Variants in NUDT19 observed in about 807,000 individuals in gnomAD.
The protein encoded by NUDT19 is nudix hydrolase 19.
NUDT19 carries 31 observed loss-of-function variants against 22.2 expected under a neutral mutation model. That is an observed-to-expected ratio of 1.40 (90% CI 1.05 to 1.89). The LOEUF is 1.89. Ranked by LOEUF, NUDT19 falls within the 40% of genes most tolerant of loss-of-function variation. The probability of loss-of-function intolerance (pLI) is 0.00; values close to 1 mark genes in which losing one functional copy is unlikely to be tolerated. For synonymous variants in NUDT19, 325 were observed against 230.8 expected, an observed-to-expected ratio of 1.41 and a Z score of -3.70; for missense variants, 752 against 514.2, an observed-to-expected ratio of 1.46 and a Z score of -4.47.
intron 2 of NUDT19, among the ~76,000 whole-genome samples, chr19:32,711,537 G>T (rs1968447449): frequency 6.6e-6 from 1 of 152,118 alleles, no homozygotes; most frequent in African/African-American, 2.4e-5. Flanking sequence ...AACTATCTCA[G>T]TTCCAAACAT....
intron 1 of NUDT19, among the ~76,000 whole-genome samples, chr19:32,698,275 G>T: frequency 6.6e-6 from 1 of 152,138 alleles, no homozygotes; most frequent in Admixed American, 6.5e-5. Context: ...GAGAGAAATT[G>T]GGGCCAGGCT....
chr19:32,693,519 GA>G (rs1968228616), intron 1 of NUDT19, among the ~76,000 whole-genome samples: 1 of 152,230 alleles, frequency 6.6e-6, no homozygotes, highest in South Asian at 2.1e-4. Context: ...AAGGGGATCA[GA>G]GCAGGTTGGG....
intron 1 of NUDT19, among the ~76,000 whole-genome samples, chr19:32,696,190 G>A (rs1245315413): frequency 6.6e-6 from 1 of 152,226 alleles, no homozygotes. Context: ...CACTCAAGGA[G>A]TAGTGCCTGG....
In NUDT19 at chr19:32,692,334, G is replaced by T; in HGVS notation, c.374G>T (p.Arg125Leu). 6.3e-7 allele frequency: 1 copy of T among 1,590,794 alleles called. No individual in the cohort carries two copies. The highest frequency in any genetic ancestry group is 8.5e-7 in the Non-Finnish European group (1 of 1,176,608). ...TGTLPEDVAF[R>L]ICAVREAFEE... ...ACGCTGCCTGAGGACGTAGCCTTCC[G>T]CATCTGCGCCGTGCGGGAGGCCTTT... Residue 125 changes from arginine (R) to leucine (L), a missense_variant, in exon 1 of 3, where the codon CGC becomes CTC. By Grantham distance (102) the Arg-to-Leu change is moderately radical. Coordinates refer to ENST00000397061, the MANE Select transcript of NUDT19 (RefSeq NM_001105570.2).
At chr19:32,693,902 A>G (rs1347975663) in intron 1 of NUDT19, among the ~76,000 whole-genome samples, 2 of 152,160 alleles carry the variant, frequency 1.3e-5, no homozygotes, top group Non-Finnish European at 2.9e-5. Flanking sequence ...GAATTGGGCA[A>G]TGACTGCTCT....
At position 32,692,074 on chromosome 19, in the gene NUDT19, G is replaced by A. The variant is rs976636408; in HGVS notation, c.114G>A (p.Pro38=). ...ETATPPSRPP[P]AEGFRLLLLQ... ...CCACCCCGCCGTCGCGCCCGCCGCC[G>A]GCCGAGGGCTTCCGGCTGCTGCTGC... The change falls in exon 1 of 3, where the codon CCG becomes CCA. Residue 38 remains proline (P), a synonymous_variant. Coordinates refer to ENST00000397061, the MANE Select transcript of NUDT19 (RefSeq NM_001105570.2). The A allele has an allele frequency of 1.4e-5, 18 of 1,306,896 alleles. No individual in the cohort carries two copies. The African/African-American group carries it at 1.7e-4, about 12-fold the overall frequency. 81.0% of individuals were successfully genotyped at this position (1,306,896 alleles called of 1,614,324 possible).
rs1460904171 is a variant in NUDT19, at chr19:32,712,363, C to T, written c.*406C>T. 6.8e-6 allele frequency: 1 copy of T among 147,678 alleles called. No homozygotes were observed. Among genetic ancestry groups the T allele is most frequent in the East Asian group, 2.0e-4 (1 of 5,026 alleles). 9.1% of individuals were successfully genotyped at this position (147,678 alleles called of 1,614,324 possible). On this transcript the variant is annotated 3_prime_UTR_variant, in exon 3 of 3. Coordinates refer to ENST00000397061, the MANE Select transcript of NUDT19 (RefSeq NM_001105570.2). Reference sequence around the variant, plus strand: ...AAGTGCTGGGATTACAGGTGTGGGCCACCACACCCAGCCTTTTTTTTTTTT... The same window carrying T: ...AAGTGCTGGGATTACAGGTGTGGGCTACCACACCCAGCCTTTTTTTTTTTT...
chr19:32,701,033 C>G (rs1968329377), intron 1 of NUDT19, among the ~76,000 whole-genome samples: 1 of 146,770 alleles, frequency 6.8e-6, no homozygotes, highest in Admixed American at 6.8e-5. Flanking sequence ...GAGTCAGGCC[C>G]TTTCTCAAAA....
Position 32,692,232 on chromosome 19 carries a change from T to C in NUDT19, c.272T>C (p.Leu91Pro). The C allele has an allele frequency of 1.3e-6, 2 of 1,587,530 alleles. No individual in the cohort carries two copies. The highest frequency in any genetic ancestry group is 1.7e-6 in the Non-Finnish European group (2 of 1,175,652). Residue 91 changes from leucine to proline, a missense_variant, in exon 1 of 3, where the codon CTG becomes CCG. Transcript: ENST00000397061. ...CACCACGGGCCGCCGCGCTTCGGCC[T>C]GGGCCCGGCGCCATTCAGCCGCACC... ...APHHGPPRFG[L>P]GPAPFSRTAF...
intron 1 of NUDT19, among the ~76,000 whole-genome samples, chr19:32,700,366 A>C (rs891450087): frequency 6.6e-6 from 1 of 151,658 alleles, no homozygotes; most frequent in Non-Finnish European, 1.5e-5. Flanking sequence ...TTTACAGAGT[A>C]CTGATTGGTG....
chr19:32,712,376 CTTTTTTTTTTTTT>C lies in NUDT19; in HGVS notation c.*434_*446del, dbSNP rs386388885. 3.4e-5 allele frequency: 2 copies of C among 58,720 alleles called. No homozygotes were observed. The highest frequency in any genetic ancestry group is 9.3e-5 in the African/African-American group (1 of 10,734). The allele number at this position is 58,720 out of a possible 1,614,324, so 3.6% of individuals were successfully genotyped here. A position where few individuals can be genotyped will look rare whatever the true frequency, so the allele number is the denominator to read the frequency against. ...ACAGGTGTGGGCCACCACACCCAGC[CTTTTTTTTTTTTT>C]TTTTTTTTTTTTTTGAGACAGAGTG... is the stretch of plus-strand genomic sequence containing the variant. On this transcript the variant is annotated 3_prime_UTR_variant, in exon 3 of 3. Transcript: ENST00000397061.
intron 1 of NUDT19, among the ~76,000 whole-genome samples, chr19:32,700,530 G>A (rs1030616790): frequency 1.3e-5 from 2 of 152,180 alleles, no homozygotes; most frequent in Non-Finnish European, 2.9e-5. Context: ...TCACTGGGCT[G>A]AAGTGATTCT....
Position 32,709,184 on chromosome 19 carries a change from G to C in NUDT19, c.715-1G>C. On this transcript the variant is annotated splice_acceptor_variant, in intron 1 of 2. Coordinates refer to ENST00000397061, the MANE Select transcript of NUDT19 (RefSeq NM_001105570.2). LOFTEE classifies it high-confidence loss of function. Reference sequence around the variant, plus strand: ...AGAAACCCTGCCTTTGTCTTTCACAGTGGTCATCTCCATCAGAGGCAACTG... The same window carrying C: ...AGAAACCCTGCCTTTGTCTTTCACACTGGTCATCTCCATCAGAGGCAACTG... The C allele has an allele frequency of 6.2e-7, 1 of 1,608,762 alleles. No individual in the cohort carries two copies. Among genetic ancestry groups the C allele is most frequent in the Non-Finnish European group, 8.5e-7 (1 of 1,176,050 alleles).
At position 32,692,627 on chromosome 19, in the gene NUDT19, G is replaced by T. The variant is rs371914660; in HGVS notation, c.667G>T (p.Glu223Ter). 1.3e-6 allele frequency: 2 copies of T among 1,535,778 alleles called. No individual in the cohort carries two copies. Among genetic ancestry groups the T allele is most frequent in the South Asian group, 1.2e-5 (1 of 80,454 alleles). Residue 223 changes from glutamate to a stop codon, truncating the protein, a stop_gained, in exon 1 of 3, where the codon GAG (glutamate) becomes TAG (stop). Transcript: ENST00000397061. LOFTEE classifies it high-confidence loss of function. ...DTAFFLCCLR[E>*]PPPVYPDLAE... ...GGCCTTCTTCCTGTGCTGCCTGCGC[G>T]AGCCGCCGCCCGTCTACCCCGACTT...
At chr19:32,707,423 C>T (rs1221896046) in intron 1 of NUDT19, among the ~76,000 whole-genome samples, 1 of 152,202 alleles carries the variant, frequency 6.6e-6, no homozygotes, top group African/African-American at 2.4e-5. Context: ...AATGTTTAAG[C>T]ATGTACGAGC....
chr19:32,699,698 G>A lies in NUDT19; in HGVS notation c.714+7024G>A, dbSNP rs559664183. On this transcript the variant is annotated intron_variant, in intron 1 of 2. Coordinates refer to ENST00000397061, the MANE Select transcript of NUDT19 (RefSeq NM_001105570.2). ...AAAGGCACTCACCGCTTAGTGATAG[G>A]TAATAGTCCCTTCGTGGTCACCAAA... Among the ~76,000 whole-genome samples the A allele has an allele frequency of 2.9e-4, 44 of 152,326 alleles. 1 individual carries two copies. Among genetic ancestry groups the A allele is most frequent in the African/African-American group, 9.6e-4 (40 of 41,570 alleles).
In NUDT19 at chr19:32,708,165, C is replaced by T. The variant is rs1396852553; in HGVS notation, c.715-1020C>T. ...TCGGTCAAAAAAAAAAAAAAAATCA[C>T]GACTGTAATCCCAGCACTTTGGGAG... On this transcript the variant is annotated intron_variant, in intron 1 of 2. Transcript: ENST00000397061. Among the ~76,000 whole-genome samples, 6 of 145,122 alleles carry T rather than the reference C, an allele frequency of 4.1e-5. No individual in the cohort carries two copies. The East Asian group carries it at 1.0e-3, about 25-fold the overall frequency.
rs1158099540 is a variant in NUDT19 at position 32,713,080 on chromosome 19, T to G, written c.*1123T>G. ...TTTAGCTTAATGATTAAGATACAAT[T>G]CTTTTTAAAATCAAATGGTATTAGT... On this transcript the variant is annotated 3_prime_UTR_variant, in exon 3 of 3. Transcript: ENST00000397061. 6.6e-6 allele frequency: 1 copy of G among 152,212 alleles called. No individual in the cohort carries two copies. The highest frequency in any genetic ancestry group is 1.9e-4 in the East Asian group (1 of 5,204). The allele number at this position is 152,212 out of a possible 1,614,324, so 9.4% of individuals were successfully genotyped here.
At position 32,692,152 on chromosome 19, in the gene NUDT19, C is replaced by A. The variant is rs1454187102; in HGVS notation, c.192C>A (p.Gly64=). 5 of 1,507,636 alleles carry A rather than the reference C, an allele frequency of 3.3e-6. No homozygotes were observed. In the East Asian group the frequency reaches 8.0e-5, roughly 24 times the overall value. The allele number at this position is 1,507,636 out of a possible 1,614,324, so 93.4% of individuals were successfully genotyped here. A position where few individuals can be genotyped will look rare whatever the true frequency, so the allele number is the denominator to read the frequency against. The change falls in exon 1 of 3, where the codon GGC becomes GGA. Residue 64 remains glycine (G), a synonymous_variant. Transcript: ENST00000397061. ...TGCCGGGCGCGCACGTCTTCTCCGG[C>A]GGAGTGCTGGATGCGGCCGACCGCT... ...GFMPGAHVFS[G]GVLDAADRSA...
Sources: allele counts gnomAD v4.1 joint callset (sites outside exome capture counted in the v4.1 genomes callset), GRCh38; gene constraint gnomAD v4.1.1; transcripts MANE v1.5; gene names NCBI Gene and HGNC (gene_info 2026-07-23, HGNC 2026-07-21).